Variants in CDH9 observed in about 807,000 individuals in gnomAD.
The protein encoded by CDH9 is cadherin 9.
A neutral mutation model predicts 70.9 loss-of-function variants in CDH9; 28 were observed. That is an observed-to-expected ratio of 0.40 (90% CI 0.29 to 0.54). The LOEUF is 0.54. CDH9 is among the 20% of genes least tolerant of loss of function. The pLI, the probability that CDH9 is intolerant of heterozygous loss-of-function variation, is 0.59. For missense variants in CDH9, 874 were observed against 984.4 expected (o/e 0.89, Z 1.50); for synonymous variants, 409 against 343.1 (o/e 1.19, Z -2.12).
At chr5:27,014,570 A>C (rs777207164) in intron 1 of CDH9, among the ~76,000 whole-genome samples, 37 of 151,954 alleles carry the variant, frequency 2.4e-4, no homozygotes, top group Non-Finnish European at 5.0e-4. Context: ...TCCTTTCTAA[A>C]AACTATCTAT....
At chr5:26,980,595 TACAGTTGCA>T (rs1243757339) in intron 2 of CDH9, among the ~76,000 whole-genome samples, 1 of 152,014 alleles carries the variant, frequency 6.6e-6, no homozygotes, top group Non-Finnish European at 1.5e-5. Flanking sequence ...TTTGCTTGAG[TACAGTTGCA>T]ATATTTGTGA....
chr5:26,980,091 A>G (rs1002759639), intron 2 of CDH9, among the ~76,000 whole-genome samples: 4 of 151,868 alleles, frequency 2.6e-5, no homozygotes, highest in Non-Finnish European at 5.9e-5. Context: ...AGAAACATTT[A>G]CCAAAGTAGT....
chr5:26,904,037 GA>G (rs568250511), intron 5 of CDH9, among the ~76,000 whole-genome samples: 52 of 150,506 alleles, frequency 3.5e-4, no homozygotes, highest in African/African-American at 1.1e-3. Flanking sequence ...GTAAGTCCCA[GA>G]AAAAAAAATT....
chr5:26,977,673 G>A (rs1366462), intron 2 of CDH9, among the ~76,000 whole-genome samples: 59,356 of 151,666 alleles, frequency 0.39, 13,637 homozygotes, highest in Non-Finnish European at 0.51. Context: ...CTGCCATATT[G>A]GTTAACAATT....
intron 6 of CDH9, 195 bp downstream of exon 6, chr5:26,903,442 A>G: frequency 1.5e-6 from 1 of 681,862 alleles, no homozygotes; most frequent in Non-Finnish European, 2.7e-6. Context: ...AGCATGAACA[A>G]CTGAGGTTTT....
Position 26,915,938 on chromosome 5 carries a change from GA to G in CDH9, c.229-15del. ...GTCAGTGTGAAGCTTTAGAGAGGTAGAAAAGAAGAGTTCTGTAAATATATAC... is the reference window on the plus strand; with the variant it reads ...GTCAGTGTGAAGCTTTAGAGAGGTAGAAAGAAGAGTTCTGTAAATATATAC... On this transcript the variant is annotated splice_polypyrimidine_tract_variant and intron_variant, in intron 2 of 11. Coordinates refer to ENST00000231021, the MANE Select transcript of CDH9 (RefSeq NM_016279.4). 2 of 1,549,826 alleles carry G rather than the reference GA, an allele frequency of 1.3e-6. No individual in the cohort carries two copies. The highest frequency in any genetic ancestry group is 1.8e-6 in the Non-Finnish European group (2 of 1,140,802).
chr5:26,906,225 T>A lies in CDH9; in HGVS notation c.644-99A>T, dbSNP rs546667290. ...TTACAAAAGTTGATTATAACAAACATAAAATGTCAGTGTATTTAAATATGT... is the reference window on the plus strand; with the variant it reads ...TTACAAAAGTTGATTATAACAAACAAAAAATGTCAGTGTATTTAAATATGT... On this transcript the variant is annotated intron_variant, in intron 4 of 11. Transcript: ENST00000231021. 7 of 933,502 alleles carry A rather than the reference T, an allele frequency of 7.5e-6. No homozygotes were observed. The African/African-American group carries it at 9.9e-5, about 13-fold the overall frequency. 57.8% of individuals were successfully genotyped at this position (933,502 alleles called of 1,614,324 possible). A position where few individuals can be genotyped will look rare whatever the true frequency, so the allele number is the denominator to read the frequency against.
At chr5:26,963,999 A>G (rs574642597) in intron 2 of CDH9, among the ~76,000 whole-genome samples, 2 of 152,314 alleles carry the variant, frequency 1.3e-5, no homozygotes, top group South Asian at 2.1e-4. Context: ...CAGATTTAAC[A>G]TTAACCTTTT....
intron 1 of CDH9, among the ~76,000 whole-genome samples, chr5:26,999,764 T>C (rs187238125): frequency 2.6e-5 from 4 of 152,252 alleles, no homozygotes; most frequent in African/African-American, 7.2e-5. Context: ...AAATGTAAAA[T>C]TACAAATTTT....
intron 2 of CDH9, among the ~76,000 whole-genome samples, chr5:26,935,720 G>A (rs1172649648): frequency 2.0e-5 from 3 of 152,106 alleles, no homozygotes; most frequent in East Asian, 1.9e-4. Context: ...ACTAAAAGTA[G>A]AACTACCATT....
chr5:27,016,255 G>A (rs1037130258), intron 1 of CDH9, among the ~76,000 whole-genome samples: 4 of 151,692 alleles, frequency 2.6e-5, no homozygotes, highest in African/African-American at 9.7e-5. Context: ...ATAAGTTTTA[G>A]CCATACATTT....
In CDH9 at chr5:26,989,854, G is replaced by A. The variant is rs548245705; in HGVS notation, c.-49-1472C>T. 2.6e-5 allele frequency among the ~76,000 whole-genome samples: 4 copies of A among 152,050 alleles called. No individual in the cohort carries two copies. The East Asian group carries it at 7.7e-4, about 29-fold the overall frequency. The stretch of plus-strand genomic sequence containing the variant: ...TTTCAAATACGGACCTATATCACTT[G>A]GTCTTCATTAATACCTGACCCACAA... On this transcript the variant is annotated intron_variant, in intron 1 of 11. Transcript: ENST00000231021.
chr5:26,918,812 C>T (rs1482414835), intron 2 of CDH9, among the ~76,000 whole-genome samples: 1 of 152,194 alleles, frequency 6.6e-6, no homozygotes, highest in Non-Finnish European at 1.5e-5. Context: ...ATTTTGGACT[C>T]AGACTGAAAC....
At chr5:26,998,539 A>G (rs1285465331) in intron 1 of CDH9, among the ~76,000 whole-genome samples, 1 of 151,668 alleles carries the variant, frequency 6.6e-6, no homozygotes, top group Non-Finnish European at 1.5e-5. Context: ...ATGAGAACAC[A>G]TGGACACAGG....
At chr5:26,911,364 T>C (rs1312135610) in intron 3 of CDH9, among the ~76,000 whole-genome samples, 1 of 152,160 alleles carries the variant, frequency 6.6e-6, no homozygotes, top group African/African-American at 2.4e-5. Context: ...CTCTCTGGTG[T>C]TAGAAATACA....
chr5:26,902,198 T>C (rs1460519680), intron 7 of CDH9, among the ~76,000 whole-genome samples: 1 of 151,914 alleles, frequency 6.6e-6, no homozygotes, highest in Non-Finnish European at 1.5e-5. Context: ...GCCTCAGTTT[T>C]ATCCTCCCCA....
intron 11 of CDH9, among the ~76,000 whole-genome samples, chr5:26,885,410 T>A (rs1740546905): frequency 6.6e-6 from 1 of 152,208 alleles, no homozygotes; most frequent in Non-Finnish European, 1.5e-5. Flanking sequence ...ATTTGTTAGA[T>A]GTTTCTTTTT....
intron 2 of CDH9, among the ~76,000 whole-genome samples, chr5:26,947,302 T>C (rs1741771380): frequency 6.6e-6 from 1 of 152,086 alleles, no homozygotes; most frequent in African/African-American, 2.4e-5. Flanking sequence ...TTTCTATTCA[T>C]AGAAAGAAAT....
chr5:26,964,042 T>C (rs1019295838), intron 2 of CDH9, among the ~76,000 whole-genome samples: 1 of 152,074 alleles, frequency 6.6e-6, no homozygotes, highest in Non-Finnish European at 1.5e-5. Flanking sequence ...TGAGTGCTCA[T>C]GTTAAATATA....
Sources: allele counts gnomAD v4.1 joint callset (sites outside exome capture counted in the v4.1 genomes callset), GRCh38; gene constraint gnomAD v4.1.1; transcripts MANE v1.5; gene names NCBI Gene and HGNC (gene_info 2026-07-23, HGNC 2026-07-21).